The following MBD5 variants were observed in gnomAD, a reference collection of about 807,000 sequenced individuals.
MBD5 encodes methyl-CpG-binding domain protein 5.
A neutral mutation model predicts 117.3 loss-of-function variants in MBD5; 13 were observed. That is an observed-to-expected ratio of 0.11 (90% CI 0.07 to 0.18). MBD5 has a LOEUF of 0.18. Among genes scored for constraint, MBD5 ranks in the 10% least tolerant of loss-of-function variants. MBD5 has a pLI of 1.00. For missense variants in MBD5, 1,879 were observed against 2,093.8 expected (o/e 0.90, Z 2.00); for synonymous variants, 727 against 766.4 (o/e 0.95, Z 0.85).
chr2:148,130,290 C>G (rs1256129120), intron 1 of MBD5, among the ~76,000 whole-genome samples: 1 of 152,142 alleles, frequency 6.6e-6, no homozygotes, highest in East Asian at 1.9e-4. Context: ...CAGATTAGAA[C>G]TACTGTACTT....
chr2:148,455,165 G>T (rs1357940464), intron 4 of MBD5, among the ~76,000 whole-genome samples: 3 of 151,988 alleles, frequency 2.0e-5, no homozygotes, highest in Non-Finnish European at 2.9e-5. Context: ...GAAAAAAATT[G>T]CCACTTAACA....
chr2:148,049,663 A>T (rs574352445), intron 1 of MBD5, among the ~76,000 whole-genome samples: 1 of 152,118 alleles, frequency 6.6e-6, no homozygotes, highest in African/African-American at 2.4e-5. Context: ...TAATTCCAGA[A>T]TATTTCTATC....
chr2:148,326,253 C>G (rs1702447424), intron 3 of MBD5, among the ~76,000 whole-genome samples: 1 of 152,034 alleles, frequency 6.6e-6, no homozygotes, highest in East Asian at 1.9e-4. Flanking sequence ...GCTTTACTTC[C>G]AAGTATGTGG....
chr2:148,347,126 GT>G (rs545150674), intron 4 of MBD5: 139 of 152,116 alleles, frequency 9.1e-4, no homozygotes, highest in African/African-American at 3.3e-3. Context: ...ATCTGCCATA[GT>G]TTGGCTGAAA....
At chr2:148,379,970 T>C (rs1192511187) in intron 4 of MBD5, among the ~76,000 whole-genome samples, 2 of 152,134 alleles carry the variant, frequency 1.3e-5, no homozygotes, top group African/African-American at 4.8e-5. Context: ...AGTAAGATAC[T>C]GGGAGCAAGT....
intron 3 of MBD5, among the ~76,000 whole-genome samples, chr2:148,314,799 A>G (rs1702120752): frequency 6.6e-6 from 1 of 152,156 alleles, no homozygotes; most frequent in East Asian, 1.9e-4. Flanking sequence ...TACTCAACAT[A>G]GCATAACTCT....
Position 148,512,966 on chromosome 2 carries a change from G to C in MBD5, c.*25G>C. On this transcript the variant is annotated 3_prime_UTR_variant, in exon 14 of 14. Coordinates refer to ENST00000642680, the MANE Select transcript of MBD5 (RefSeq NM_001378120.1). ...ACAGAGACTACTCCACTAATGCGCA[G>C]TGTTTATTAAAGGAACATGCACAGA... 1.3e-6 allele frequency: 2 copies of C among 1,597,222 alleles called. No individual in the cohort carries two copies. The highest frequency in any genetic ancestry group is 1.7e-6 in the Non-Finnish European group (2 of 1,164,840).
At chr2:148,067,115 TTGA>T (rs1695220655) in intron 1 of MBD5, among the ~76,000 whole-genome samples, 1 of 152,162 alleles carries the variant, frequency 6.6e-6, no homozygotes. Context: ...CTAATTGATG[TTGA>T]TAAAAGTTTT....
At chr2:148,413,207 T>C (rs1022368180) in intron 4 of MBD5, among the ~76,000 whole-genome samples, 4 of 152,182 alleles carry the variant, frequency 2.6e-5, no homozygotes, top group Non-Finnish European at 5.9e-5. Flanking sequence ...CTATTCTGCG[T>C]CTATTAAGAT....
intron 1 of MBD5, among the ~76,000 whole-genome samples, chr2:148,034,044 A>G (rs1694117736): frequency 6.6e-6 from 1 of 152,034 alleles, no homozygotes; most frequent in Admixed American, 6.6e-5. Context: ...AAAATGCAAA[A>G]ATTAGCCAGG....
At chr2:148,222,525 A>G (rs1057097221) in intron 2 of MBD5, among the ~76,000 whole-genome samples, 1 of 151,962 alleles carries the variant, frequency 6.6e-6, no homozygotes, top group African/African-American at 2.4e-5. Flanking sequence ...GCTACTGTAA[A>G]TAGGATTCCA....
At chr2:148,165,600 A>G (rs923242603) in intron 1 of MBD5, among the ~76,000 whole-genome samples, 5 of 152,066 alleles carry the variant, frequency 3.3e-5, no homozygotes, top group African/African-American at 1.2e-4. Flanking sequence ...AACCCATCGT[A>G]CTAAGATTAA....
chr2:148,441,651 T>C (rs1301214801), intron 4 of MBD5, among the ~76,000 whole-genome samples: 1 of 152,140 alleles, frequency 6.6e-6, no homozygotes, highest in Non-Finnish European at 1.5e-5. Flanking sequence ...AAATGGTATT[T>C]CTAGTTCTAG....
chr2:148,400,718 C>G (rs1364107955), intron 4 of MBD5, among the ~76,000 whole-genome samples: 1 of 152,136 alleles, frequency 6.6e-6, no homozygotes, highest in Non-Finnish European at 1.5e-5. Context: ...CTATTATTAA[C>G]TATATTTTTG....
intron 1 of MBD5, among the ~76,000 whole-genome samples, chr2:148,100,773 T>C (rs1270900506): frequency 6.6e-6 from 1 of 152,222 alleles, no homozygotes; most frequent in Non-Finnish European, 1.5e-5. Context: ...ATCCTTTGTA[T>C]GACCTATTGT....
At chr2:148,441,782 T>C (rs1706332956) in intron 4 of MBD5, among the ~76,000 whole-genome samples, 1 of 152,026 alleles carries the variant, frequency 6.6e-6, no homozygotes, top group Non-Finnish European at 1.5e-5. Context: ...TTCCTGACTT[T>C]TTAATGATCG....
At chr2:148,313,297 C>A (rs1460395028) in intron 3 of MBD5, among the ~76,000 whole-genome samples, 12 of 152,130 alleles carry the variant, frequency 7.9e-5, no homozygotes, top group Admixed American at 7.9e-4. Context: ...GGTGGGAGTT[C>A]TATGTATAAG....
intron 3 of MBD5, among the ~76,000 whole-genome samples, chr2:148,322,550 T>G (rs1407443569): frequency 6.6e-6 from 1 of 152,218 alleles, no homozygotes; most frequent in Non-Finnish European, 1.5e-5. Context: ...CTTTAAAATG[T>G]AATTGTAGGG....
At chr2:148,238,648 A>G (rs559418542) in intron 3 of MBD5, among the ~76,000 whole-genome samples, 4 of 152,316 alleles carry the variant, frequency 2.6e-5, no homozygotes, top group African/African-American at 7.2e-5. Context: ...TCTGGAGGCT[A>G]GAAGTCCAAA....
Sources: gnomAD v4.1 joint callset for allele counts (sites outside exome capture counted in the v4.1 genomes callset) on GRCh38, gnomAD v4.1.1 for gene constraint, MANE v1.5 for transcripts, NCBI Gene and HGNC (gene_info 2026-07-23, HGNC 2026-07-21) for gene names.